The following LRP2 variants were observed in gnomAD, a reference collection of about 807,000 sequenced individuals.
The protein encoded by LRP2 is LDL receptor related protein 2.
LRP2 carries 172 observed loss-of-function variants against 531.0 expected under a neutral mutation model. The ratio of observed to expected loss-of-function variants is 0.32; its 90% CI spans 0.29 to 0.37. The LOEUF (loss-of-function observed/expected upper bound fraction) is 0.37, where lower values mean the gene tolerates loss of function less well. Ranked by LOEUF, LRP2 falls within the 10% of genes least tolerant of loss-of-function variation. The probability of loss-of-function intolerance (pLI) is 1.00; values close to 1 mark genes in which losing one functional copy is unlikely to be tolerated. For missense variants in LRP2, 5,167 were observed against 5,868.3 expected (o/e 0.88, Z 3.90); for synonymous variants, 1,992 against 2,027.6 (o/e 0.98, Z 0.47).
At chr2:169,304,827 A>G (rs1684372199) in intron 4 of LRP2, among the ~76,000 whole-genome samples, 1 of 152,210 alleles carries the variant, frequency 6.6e-6, no homozygotes, top group Non-Finnish European at 1.5e-5. Context: ...ATGCCTATCA[A>G]TGATAGACTG....
chr2:169,255,901 T>A (rs1690286606), intron 19 of LRP2, among the ~76,000 whole-genome samples: 1 of 152,118 alleles, frequency 6.6e-6, no homozygotes, highest in Admixed American at 6.6e-5. Context: ...TACGAATATA[T>A]ACAAAACAAA....
At chr2:169,182,665 T>C in intron 50 of LRP2, 1 of 984,626 alleles carries the variant, frequency 1.0e-6, no homozygotes, top group Non-Finnish European at 1.2e-6. Context: ...CAGAGGTGAG[T>C]ATCATGAATT....
At chr2:169,338,455 A>C (rs1310611482) in intron 1 of LRP2, among the ~76,000 whole-genome samples, 1 of 152,046 alleles carries the variant, frequency 6.6e-6, no homozygotes, top group African/African-American at 2.4e-5. Flanking sequence ...GAGGAAAGGA[A>C]GGAAGGAAGG....
intron 5 of LRP2, 58 bp downstream of exon 5, chr2:169,294,542 T>C: frequency 7.9e-7 from 1 of 1,273,418 alleles, no homozygotes; most frequent in Non-Finnish European, 1.1e-6. Flanking sequence ...ATTGGCTCTC[T>C]CAAACCAGTA....
intron 34 of LRP2, 124 bp downstream of exon 34, chr2:169,220,330 T>C (rs768697350): frequency 1.3e-6 from 1 of 743,372 alleles, no homozygotes; most frequent in Non-Finnish European, 2.4e-6. Context: ...AGATCTATTA[T>C]TTTTCAAATG....
intron 3 of LRP2, among the ~76,000 whole-genome samples, chr2:169,313,538 C>T (rs575305652): frequency 2.6e-5 from 4 of 152,192 alleles, no homozygotes; most frequent in African/African-American, 9.7e-5. Flanking sequence ...TATTGCAGAA[C>T]AGCAAATGTT....
At chr2:169,226,939 C>T (rs1223526813) in intron 31 of LRP2, among the ~76,000 whole-genome samples, 1 of 151,776 alleles carries the variant, frequency 6.6e-6, no homozygotes, top group East Asian at 1.9e-4. Context: ...ACAAACCTCA[C>T]TCACACTGAT....
chr2:169,206,424 T>C lies in LRP2; in HGVS notation c.7296A>G (p.Arg2432=), dbSNP rs370035430. 50 of 1,614,116 alleles carry C rather than the reference T, an allele frequency of 3.1e-5. 1 individual carries two copies. In the Middle Eastern group the frequency reaches 6.6e-4, roughly 21 times the overall value. The change falls in exon 39 of 79, where the codon AGA becomes AGG. Residue 2432 remains arginine (R), a synonymous_variant. Transcript: ENST00000649046. Reference sequence around the variant, plus strand: ...AGGCTAAATTTTGTGTGAAGTAGATTCTATCACTTACACTGTCATAGTCTA... The same window carrying C: ...AGGCTAAATTTTGTGTGAAGTAGATCCTATCACTTACACTGTCATAGTCTA... ...MSLDYDSVSD[R]IYFTQNLASG...
chr2:169,174,139 T>C lies in LRP2; in HGVS notation c.10794A>G (p.Glu3598=), dbSNP rs141794242. 2 of 1,614,098 alleles carry C rather than the reference T, an allele frequency of 1.2e-6. No homozygotes were observed. Among genetic ancestry groups the C allele is most frequent in the African/African-American group, 2.7e-5 (2 of 74,940 alleles). ...LCENHHCDSN[E]WQCANKRCIP... is the part of the protein sequence containing the mutation. ...TGCAACGTTTGTTGGCGCACTGCCA[T>C]TCATTGGAGTCACAGTGGTGATTCT... The change falls in exon 56 of 79, where the codon GAA becomes GAG. Residue 3598 remains glutamate (E), a synonymous_variant. Coordinates refer to ENST00000649046, the MANE Select transcript of LRP2 (RefSeq NM_004525.3).
intron 16 of LRP2, among the ~76,000 whole-genome samples, chr2:169,268,986 G>A (rs1683317730): frequency 6.6e-6 from 1 of 152,074 alleles, no homozygotes; most frequent in Non-Finnish European, 1.5e-5. Context: ...CAAATCATGA[G>A]TGAACTCCCA....
rs1032900270 is a variant in LRP2 at position 169,134,513 on chromosome 2, A to T, written c.13621-1832T>A. ...CCTTTTTTCCTGTTCCTCACCCTGA[A>T]CACACTTGGTTTACTGATAGCAGTT... On this transcript the variant is annotated intron_variant, in intron 76 of 78. Transcript: ENST00000649046. 3.3e-5 allele frequency among the ~76,000 whole-genome samples: 5 copies of T among 152,238 alleles called. 1 individual carries two copies.
chr2:169,239,253 ATT>A (rs1689717693), intron 26 of LRP2, among the ~76,000 whole-genome samples: 1 of 152,198 alleles, frequency 6.6e-6, no homozygotes, highest in East Asian at 1.9e-4. Context: ...CTCATTTTAA[ATT>A]ATATAAAAGC....
At chr2:169,174,253 C>T in intron 55 of LRP2, 89 bp from the exon 56 acceptor site, 2 of 1,516,778 alleles carry the variant, frequency 1.3e-6, no homozygotes, top group Non-Finnish European at 1.8e-6. Flanking sequence ...ATAGCAGGAT[C>T]ATGATTTCTT....
In LRP2 at chr2:169,326,673, G is replaced by A. The variant is rs1248715815; in HGVS notation, c.80-5789C>T. 1.8e-4 allele frequency among the ~76,000 whole-genome samples: 27 copies of A among 152,096 alleles called. No individual in the cohort carries two copies. The South Asian group carries it at 3.5e-3, about 20-fold the overall frequency. ...AAGTGAGGAGCGTCTCTGCCTGGCC[G>A]CCCATCGTCTGGGACGTGAGGAGCC... On this transcript the variant is annotated intron_variant, in intron 1 of 78. Coordinates refer to ENST00000649046, the MANE Select transcript of LRP2 (RefSeq NM_004525.3).
At chr2:169,186,298 A>C (rs938291854) in intron 49 of LRP2, among the ~76,000 whole-genome samples, 2 of 152,178 alleles carry the variant, frequency 1.3e-5, no homozygotes, top group Non-Finnish European at 2.9e-5. Flanking sequence ...GTCAAACAGG[A>C]CTCAGGAAAA....
At chr2:169,154,653 T>C (rs1686268439) in intron 65 of LRP2, 50 bp from the exon 66 acceptor site, 2 of 1,560,476 alleles carry the variant, frequency 1.3e-6, no homozygotes, top group Non-Finnish European at 1.8e-6. Flanking sequence ...TACTTTCCTA[T>C]ATAAAGTAGG....
rs557867556 is a variant in LRP2, at chr2:169,301,672, A to T, written c.427+5609T>A. Among the ~76,000 whole-genome samples, 5 of 152,156 alleles carry T rather than the reference A, an allele frequency of 3.3e-5. No homozygotes were observed. In the South Asian group the frequency reaches 1.0e-3, roughly 32 times the overall value. On this transcript the variant is annotated intron_variant, in intron 4 of 78. Coordinates refer to ENST00000649046, the MANE Select transcript of LRP2 (RefSeq NM_004525.3). ...TCTCAAAAATAATCTTTTTGTTGAG[A>T]CCCTAATATCCTCCCCTTCCTCACC...
rs1037452816 is a variant in LRP2, at chr2:169,212,235, C to A, written c.6041-28G>T. The stretch of plus-strand genomic sequence containing the variant: ...AAATGAAAACAAAATCCATTTGTAA[C>A]TTTTGATCCTAGCTACTCGCCACCC... On this transcript the variant is annotated intron_variant, in intron 36 of 78. Transcript: ENST00000649046. 3.1e-6 allele frequency: 5 copies of A among 1,613,728 alleles called. No homozygotes were observed. The African/African-American group carries it at 4.0e-5, about 13-fold the overall frequency.
intron 33 of LRP2, among the ~76,000 whole-genome samples, chr2:169,224,674 T>C (rs1036925345): frequency 3.3e-5 from 5 of 152,236 alleles, no homozygotes; most frequent in African/African-American, 1.2e-4. Context: ...TTGAATTCCT[T>C]ATGCAACTTT....
Sources: gnomAD v4.1 joint callset for allele counts (sites outside exome capture counted in the v4.1 genomes callset) on GRCh38, gnomAD v4.1.1 for gene constraint, MANE v1.5 for transcripts, NCBI Gene and HGNC (gene_info 2026-07-23, HGNC 2026-07-21) for gene names.